Variants in PPFIA2 observed in about 807,000 individuals in gnomAD.
PPFIA2 encodes the protein liprin-alpha-2.
PPFIA2 carries 46 observed loss-of-function variants against 175.5 expected under a neutral mutation model. That is an observed-to-expected ratio of 0.26 (90% CI 0.21 to 0.34). The LOEUF (loss-of-function observed/expected upper bound fraction) is 0.34. Ranked by LOEUF, PPFIA2 falls within the 10% of genes least tolerant of loss-of-function variation. The pLI is 1.00. For missense variants in PPFIA2, 1,179 were observed against 1,506.1 expected (o/e 0.78, Z 3.60); for synonymous variants, 568 against 511.4 (o/e 1.11, Z -1.49).
chr12:81,294,639 C>A, intron 24 of PPFIA2, 196 bp downstream of exon 24: 1 of 604,910 alleles, frequency 1.7e-6, no homozygotes, highest in South Asian at 2.0e-5. Context: ...CTAGCTTTCA[C>A]GTCTGATATG....
chr12:81,650,640 G>T (rs898725095), intron 4 of PPFIA2, among the ~76,000 whole-genome samples: 1 of 152,152 alleles, frequency 6.6e-6, no homozygotes, highest in Non-Finnish European at 1.5e-5. Context: ...TGCTGAGGTT[G>T]CAGGGTAGGC....
intron 8 of PPFIA2, among the ~76,000 whole-genome samples, chr12:81,392,786 A>G (rs183130724): frequency 3.3e-5 from 5 of 152,062 alleles, no homozygotes; most frequent in Admixed American, 2.6e-4. Flanking sequence ...TCTCCCCCAA[A>G]TATGTTTTGC....
Position 81,748,416 on chromosome 12 carries a change from T to C in PPFIA2, c.249+5557A>G, listed in dbSNP as rs117496197. Among the ~76,000 whole-genome samples the C allele has an allele frequency of 2.3e-3, 335 of 144,876 alleles. 48 individuals carry two copies. Among genetic ancestry groups the C allele is most frequent in the Non-Finnish European group, 4.3e-3 (279 of 64,506 alleles). On this transcript the variant is annotated intron_variant, in intron 3 of 32. Transcript: ENST00000549396. ...CTCTCTAGGTTTGGCCAAGGGACAT[T>C]ACCAAAAATGACTTAAGCAGAAGTT...
intron 6 of PPFIA2, among the ~76,000 whole-genome samples, 188 bp downstream of exon 6, chr12:81,445,368 G>A (rs1447619921): frequency 2.0e-5 from 3 of 151,960 alleles, no homozygotes; most frequent in Non-Finnish European, 2.9e-5. Context: ...AAAAGAAGAT[G>A]TTTATGAATA....
chr12:81,430,569 C>T lies in PPFIA2; in HGVS notation c.645+9403G>A, dbSNP rs536995127. 2.6e-5 allele frequency: 4 copies of T among 151,380 alleles called. No individual in the cohort carries two copies. The South Asian group carries it at 8.4e-4, about 32-fold the overall frequency. 9.4% of individuals were successfully genotyped at this position (151,380 alleles called of 1,614,324 possible). On this transcript the variant is annotated intron_variant, in intron 7 of 32. Coordinates refer to ENST00000549396, the MANE Select transcript of PPFIA2 (RefSeq NM_003625.5). The stretch of plus-strand genomic sequence containing the variant: ...TCTCTCTCTCTCTCTCAATATCTTG[C>T]TATCTCACTACTTCTATCTCTAATT...
In PPFIA2 at chr12:81,466,881, A is replaced by C. The variant is rs1453108970; in HGVS notation, c.304-9015T>G. Among the ~76,000 whole-genome samples, 4 of 146,484 alleles carry C rather than the reference A, an allele frequency of 2.7e-5. 1 individual carries two copies. The South Asian group carries it at 8.4e-4, about 31-fold the overall frequency. On this transcript the variant is annotated intron_variant, in intron 4 of 32. Coordinates refer to ENST00000549396, the MANE Select transcript of PPFIA2 (RefSeq NM_003625.5). ...AATATATATAATTTTTAATATATAT[A>C]ATATATTATATTAAATATAATATAT...
At chr12:81,305,279 G>A (rs781776631) in intron 22 of PPFIA2, among the ~76,000 whole-genome samples, 80 of 151,974 alleles carry the variant, frequency 5.3e-4, no homozygotes, top group Non-Finnish European at 2.1e-4. Flanking sequence ...ACTAATTTCC[G>A]TTCTCCAATT....
At chr12:81,652,148 G>A (rs2067124214) in intron 4 of PPFIA2, among the ~76,000 whole-genome samples, 1 of 150,520 alleles carries the variant, frequency 6.6e-6, no homozygotes, top group Non-Finnish European at 1.5e-5. Flanking sequence ...CCTTGGAGAT[G>A]AGCCAAATTT....
At chr12:81,752,763 C>A (rs554771632) in intron 3 of PPFIA2, among the ~76,000 whole-genome samples, 1 of 152,134 alleles carries the variant, frequency 6.6e-6, no homozygotes, top group Admixed American at 6.5e-5. Flanking sequence ...TTGCTACAAG[C>A]CATAACTTTG....
At chr12:81,359,073 T>A (rs1366496403) in intron 15 of PPFIA2, among the ~76,000 whole-genome samples, 1 of 152,062 alleles carries the variant, frequency 6.6e-6, no homozygotes, top group Non-Finnish European at 1.5e-5. Context: ...ACAATAATGA[T>A]GATAATAACA....
intron 4 of PPFIA2, among the ~76,000 whole-genome samples, chr12:81,654,075 G>A (rs2067414397): frequency 1.3e-5 from 2 of 151,668 alleles, no homozygotes; most frequent in South Asian, 4.2e-4. Context: ...AACAACTGGA[G>A]TATTCAAGGA....
At chr12:81,574,370 AT>A (rs1672294213) in intron 4 of PPFIA2, among the ~76,000 whole-genome samples, 2 of 151,828 alleles carry the variant, frequency 1.3e-5, no homozygotes, top group African/African-American at 4.8e-5. Context: ...CATTATTGAC[AT>A]TCTCCTTAAT....
chr12:81,557,580 C>T (rs1370151664), intron 4 of PPFIA2, among the ~76,000 whole-genome samples: 1 of 151,992 alleles, frequency 6.6e-6, no homozygotes, highest in Non-Finnish European at 1.5e-5. Context: ...ACTCAAAGAT[C>T]TCATCATTAA....
intron 9 of PPFIA2, among the ~76,000 whole-genome samples, chr12:81,383,170 TG>T (rs2038135957): frequency 6.6e-6 from 1 of 151,848 alleles, no homozygotes; most frequent in Non-Finnish European, 1.5e-5. Context: ...TACGAGAGAA[TG>T]GGAAGAAAAG....
intron 4 of PPFIA2, among the ~76,000 whole-genome samples, chr12:81,660,670 A>G (rs2068663670): frequency 6.6e-6 from 1 of 152,214 alleles, no homozygotes. Flanking sequence ...AGGCAGGCCA[A>G]CATTCAAATT....
At chr12:81,513,008 A>G (rs2061981440) in intron 4 of PPFIA2, among the ~76,000 whole-genome samples, 1 of 152,076 alleles carries the variant, frequency 6.6e-6, no homozygotes, top group Non-Finnish European at 1.5e-5. Context: ...GCATCTGACA[A>G]AGGAATAATA....
chr12:81,334,773 G>A (rs2056817096), intron 21 of PPFIA2, among the ~76,000 whole-genome samples: 1 of 152,076 alleles, frequency 6.6e-6, no homozygotes, highest in African/African-American at 2.4e-5. Context: ...TTGATGGATG[G>A]CATTCCTGCC....
chr12:81,573,355 C>T (rs551680019), intron 4 of PPFIA2, among the ~76,000 whole-genome samples: 79 of 151,882 alleles, frequency 5.2e-4, no homozygotes, highest in Non-Finnish European at 1.0e-3. Flanking sequence ...AGAAAATAGT[C>T]AATTTCTTGC....
chr12:81,594,198 A>G (rs2058998760), intron 4 of PPFIA2, among the ~76,000 whole-genome samples: 1 of 152,160 alleles, frequency 6.6e-6, no homozygotes, highest in South Asian at 2.1e-4. Context: ...TCATGGAAAA[A>G]TTGTCTTCCA....
Sources: allele counts gnomAD v4.1 joint callset (sites outside exome capture counted in the v4.1 genomes callset), GRCh38; gene constraint gnomAD v4.1.1; transcripts MANE v1.5; gene names NCBI Gene and HGNC (gene_info 2026-07-23, HGNC 2026-07-21).